The following KIF17 variants were observed in gnomAD, a reference collection of about 807,000 sequenced individuals.
The protein encoded by KIF17 is kinesin-like protein KIF17.
In KIF17, 80 loss-of-function variants were observed where a neutral mutation model predicts 96.8. The observed-to-expected ratio is 0.83, with a 90% confidence interval of 0.69 to 1.00. The LOEUF (loss-of-function observed/expected upper bound fraction) is 1.00, where lower values mean the gene tolerates loss of function less well. KIF17 is among the 50% of genes least tolerant of loss of function. The pLI, the probability that KIF17 is intolerant of heterozygous loss-of-function variation, is 0.00. For synonymous variants in KIF17, 567 were observed against 587.5 expected (o/e 0.97, Z 0.51); for missense variants, 1,280 against 1,372.9 (o/e 0.93, Z 1.07).
At chr1:20,670,806 GGT>G (rs1057421279) in intron 12 of KIF17, among the ~76,000 whole-genome samples, 3 of 152,238 alleles carry the variant, frequency 2.0e-5, no homozygotes, top group East Asian at 1.9e-4. Flanking sequence ...CAGCAGGGAT[GGT>G]GTCAATAAAC....
In KIF17 at chr1:20,664,432, A is replaced by C; in HGVS notation, c.*152T>G. On this transcript the variant is annotated 3_prime_UTR_variant, in exon 15 of 15. Coordinates refer to ENST00000400463, the MANE Select transcript of KIF17 (RefSeq NM_001122819.3). ...AGGGCGGAGGTGGGCTCTCTGGGGA[A>C]CAGGGAAGGGAATGTGTCTTCCCAG... 6.5e-7 allele frequency: 1 copy of C among 1,544,966 alleles called. No homozygotes were observed. Among genetic ancestry groups the C allele is most frequent in the Non-Finnish European group, 8.7e-7 (1 of 1,148,402 alleles).
intron 13 of KIF17, among the ~76,000 whole-genome samples, chr1:20,669,405 C>T (rs889699805): frequency 2.0e-5 from 3 of 151,408 alleles, no homozygotes; most frequent in Non-Finnish European, 2.9e-5. Context: ...GGCTTGGTGG[C>T]GGGTGCCTGT....
At position 20,682,740 on chromosome 1, in the gene KIF17, G is replaced by T. The variant is rs116005658; in HGVS notation, c.2376C>A (p.Ser792Arg). ...AGACGTTAAGCAGCACCCAGTCCCC[G>T]CTGTCCTCATCCGAGTTCTGCAGGG... is the stretch of plus-strand genomic sequence containing the variant. ...VAALQNSDED[S>R]GDWVLLNVYD... is the part of the protein sequence containing the mutation. Residue 792 changes from serine (S) to arginine (R), a missense_variant, in exon 11 of 15, where the codon AGC becomes AGA. By Grantham distance (110) the Ser-to-Arg change is moderately radical. Coordinates refer to ENST00000400463, the MANE Select transcript of KIF17 (RefSeq NM_001122819.3). 13 of 1,613,240 alleles carry T rather than the reference G, an allele frequency of 8.1e-6. No individual in the cohort carries two copies. The highest frequency in any genetic ancestry group is 4.5e-5 in the East Asian group (2 of 44,898).
intron 11 of KIF17, among the ~76,000 whole-genome samples, chr1:20,680,343 AT>A: frequency 6.6e-6 from 1 of 152,366 alleles, no homozygotes; most frequent in East Asian, 1.9e-4. Flanking sequence ...GAAACAGAAA[AT>A]AAAAATCAAA....
downstream of KIF17, among the ~76,000 whole-genome samples, chr1:20,662,974 T>G (rs1172461981): frequency 6.6e-6 from 1 of 152,162 alleles, no homozygotes; most frequent in African/African-American, 2.4e-5. Context: ...ACACCTGTAA[T>G]CCCAGCACTT....
At chr1:20,695,582 C>A (rs1368678288) in intron 6 of KIF17, among the ~76,000 whole-genome samples, 1 of 152,152 alleles carries the variant, frequency 6.6e-6, no homozygotes, top group Non-Finnish European at 1.5e-5. Flanking sequence ...TTAGCTCTGT[C>A]TTCCCAACCC....
intron 10 of KIF17, among the ~76,000 whole-genome samples, chr1:20,684,018 C>A (rs2053882474): frequency 6.6e-6 from 1 of 152,274 alleles, no homozygotes; most frequent in South Asian, 2.1e-4. Context: ...AGGCAATGCC[C>A]ATTTTGACCC....
At chr1:20,711,549 G>C (rs1175885291) in intron 3 of KIF17, among the ~76,000 whole-genome samples, 1 of 152,190 alleles carries the variant, frequency 6.6e-6, no homozygotes, top group African/African-American at 2.4e-5. Context: ...TGTGTCCATC[G>C]CTGCCACGGG....
At chr1:20,716,536 A>G (rs1388529895) in intron 1 of KIF17, among the ~76,000 whole-genome samples, 1 of 152,254 alleles carries the variant, frequency 6.6e-6, no homozygotes, top group East Asian at 1.9e-4. Context: ...ACAGCTTTCC[A>G]GGCGGCAAAG....
At chr1:20,683,519 A>G (rs1226021910) in intron 10 of KIF17, among the ~76,000 whole-genome samples, 3 of 152,088 alleles carry the variant, frequency 2.0e-5, no homozygotes, top group South Asian at 2.1e-4. Flanking sequence ...GCCGGGCGTG[A>G]TGGTGCACAC....
At chr1:20,703,548 G>A (rs1199071207) in intron 5 of KIF17, among the ~76,000 whole-genome samples, 3 of 149,768 alleles carry the variant, frequency 2.0e-5, no homozygotes, top group Non-Finnish European at 4.5e-5. Context: ...AGGTGGGTGA[G>A]TGGGTGGATG....
intron 6 of KIF17, among the ~76,000 whole-genome samples, 156 bp downstream of exon 6, chr1:20,698,223 C>G (rs2054175175): frequency 6.6e-6 from 1 of 152,226 alleles, no homozygotes; most frequent in Non-Finnish European, 1.5e-5. Context: ...TGACCTTGGG[C>G]AAGTCCTGGC....
At position 20,687,842 on chromosome 1, in the gene KIF17, A is replaced by G. The variant is rs200910771; in HGVS notation, c.1484T>C (p.Val495Ala). The G allele has an allele frequency of 4.7e-5, 76 of 1,613,968 alleles. No individual in the cohort carries two copies. In the African/African-American group the frequency reaches 9.6e-4, roughly 20 times the overall value. The change falls in exon 8 of 15, where the codon GTG (valine) becomes GCG (alanine). Residue 495 changes from valine to alanine, a missense_variant. Val to Ala is a moderately conservative substitution (Grantham distance 64). Transcript: ENST00000400463. The surrounding 1 kb of genome is among the most constrained non-coding windows in gnomAD (Gnocchi z 4.4). ...CGTGGAGAAGACCTTGGGTTTCACC[A>G]CTGTCTCATACTGAAAAGCAGGCGG... ...EYPPAFQYET[V>A]VKPKVFSTTD...
intron 5 of KIF17, among the ~76,000 whole-genome samples, chr1:20,703,178 A>ACGGATGGACGG (rs1557600805): frequency 7.4e-6 from 1 of 135,794 alleles, no homozygotes; most frequent in Admixed American, 7.1e-5. Context: ...TGGATGGATG[A>ACGGATGGACGG]ATGGATGGAC....
rs557918031 is a variant in KIF17, at chr1:20,709,926, G to A, written c.481-98C>T. ...CAGAGAGAAGGGCCCCATCCAGACC[G>A]CCCTCGCCCTCCTGTAATGCAGGCT... On this transcript the variant is annotated intron_variant, in intron 3 of 14. Transcript: ENST00000400463. This position sits in a 1 kb window ranked among gnomAD's most constrained non-coding sequence, Gnocchi z 4.7. The A allele has an allele frequency of 3.4e-5, 38 of 1,126,612 alleles. No individual in the cohort carries two copies. In the East Asian group the frequency reaches 5.9e-4, roughly 18 times the overall value. 69.8% of individuals were successfully genotyped at this position (1,126,612 alleles called of 1,614,324 possible).
rs2053777296 is a variant in KIF17, at chr1:20,678,607, G to C, written c.2463+4046C>G. 2.6e-5 allele frequency among the ~76,000 whole-genome samples: 4 copies of C among 152,088 alleles called. No homozygotes were observed. The South Asian group carries it at 8.3e-4, about 32-fold the overall frequency. ...GCTGGAACCTTTGAATTACATGGAA[G>C]TACAGAGATAAACCCCCAAGTGCAG... On this transcript the variant is annotated intron_variant, in intron 11 of 14. Transcript: ENST00000400463.
chr1:20,700,304 C>G lies in KIF17; in HGVS notation c.1124-1816G>C, dbSNP rs926897313. The stretch of plus-strand genomic sequence containing the variant: ...CAGGCTGGTCTCCAACTCCTGACCT[C>G]AAGTGATCTGCCCACCTCGGCCTCC... On this transcript the variant is annotated intron_variant, in intron 5 of 14. Coordinates refer to ENST00000400463, the MANE Select transcript of KIF17 (RefSeq NM_001122819.3). The surrounding 1 kb of genome is among the most constrained non-coding windows in gnomAD (Gnocchi z 4.6). Among the ~76,000 whole-genome samples the G allele has an allele frequency of 2.0e-5, 3 of 152,154 alleles. No individual in the cohort carries two copies. Among genetic ancestry groups the G allele is most frequent in the African/African-American group, 7.2e-5 (3 of 41,428 alleles).
Position 20,681,522 on chromosome 1 carries a change from T to C in KIF17, c.2463+1131A>G, listed in dbSNP as rs1174830397. On this transcript the variant is annotated intron_variant, in intron 11 of 14. Transcript: ENST00000400463. ...AGGCAAAGTTTTATGCTTGGCAAGA[T>C]CCTTAGGATGCCAGGACGGTGGTGG... 4.6e-5 allele frequency among the ~76,000 whole-genome samples: 7 copies of C among 151,312 alleles called. No individual in the cohort carries two copies. In the South Asian group the frequency reaches 1.5e-3, roughly 32 times the overall value.
At chr1:20,707,054 C>T (rs962184629) in intron 4 of KIF17, among the ~76,000 whole-genome samples, 2 of 152,152 alleles carry the variant, frequency 1.3e-5, no homozygotes, top group African/African-American at 4.8e-5. Context: ...TATGATTGCA[C>T]CACTGCACTC....
Sources: allele counts gnomAD v4.1 joint callset (sites outside exome capture counted in the v4.1 genomes callset), GRCh38; gene constraint gnomAD v4.1.1; non-coding constraint Gnocchi (gnomAD v3.1); transcripts MANE v1.5; gene names NCBI Gene and HGNC (gene_info 2026-07-23, HGNC 2026-07-21).